Variants in CNST observed in about 807,000 individuals in gnomAD.
CNST encodes the protein consortin.
A neutral mutation model predicts 72.4 loss-of-function variants in CNST; 39 were observed. The observed-to-expected ratio is 0.54, with a 90% confidence interval of 0.42 to 0.70. CNST has a LOEUF of 0.70. Among genes scored for constraint, CNST ranks in the 30% least tolerant of loss-of-function variants. The pLI, the probability that CNST is intolerant of heterozygous loss-of-function variation, is 0.00. For synonymous variants in CNST, 332 were observed against 320.1 expected (o/e 1.04, Z -0.40); for missense variants, 871 against 868.5 (o/e 1.00, Z -0.04).
intron 2 of CNST, among the ~76,000 whole-genome samples, chr1:246,599,760 A>C (rs183791447): frequency 5.6e-4 from 85 of 152,356 alleles, no homozygotes; most frequent in Admixed American, 5.4e-3. Context: ...AAAAGATTTT[A>C]ATATAGACTA....
chr1:246,621,509 G>C lies in CNST; in HGVS notation c.460G>C (p.Ala154Pro), dbSNP rs756612398. The change falls in exon 3 of 11, where the codon GCT becomes CCT. Residue 154 changes from alanine to proline, a missense_variant. Ala to Pro is a conservative substitution (Grantham distance 27). Transcript: ENST00000366513. The part of the protein sequence containing the change: ...AVTYAVDDEE[A>P]AEVNANEQPE... ...CACATATGCTGTTGATGATGAAGAA[G>C]CTGCTGAAGTAAATGCTAATGAGCA... The C allele has an allele frequency of 1.2e-6, 2 of 1,614,144 alleles. No individual in the cohort carries two copies.
In CNST at chr1:246,585,662, AAT is replaced by A. The variant is rs1558533586; in HGVS notation, c.-51-5846_-51-5845del. Among the ~76,000 whole-genome samples, 97 of 57,808 alleles carry A rather than the reference AAT, an allele frequency of 1.7e-3. 2 individuals carry two copies. The highest frequency in any genetic ancestry group is 6.2e-3 in the South Asian group (8 of 1,290). The allele number at this position is 57,808 out of a possible 152,430, so 37.9% of individuals were successfully genotyped here. A position where few individuals can be genotyped will look rare whatever the true frequency, so the allele number is the denominator to read the frequency against. On this transcript the variant is annotated intron_variant, in intron 1 of 10. Transcript: ENST00000366513. ...GTCTCAAAAAAAAAAAAAAAAAAAAAATATACACACACACACACACACACACA... is the reference window on the plus strand; with the variant it reads ...GTCTCAAAAAAAAAAAAAAAAAAAAAATACACACACACACACACACACACA...
rs556505763 is a variant in CNST at position 246,636,653 on chromosome 1, C to T, written c.818+2066C>T. 5.3e-5 allele frequency among the ~76,000 whole-genome samples: 8 copies of T among 152,344 alleles called. No homozygotes were observed. In the South Asian group the frequency reaches 1.7e-3, roughly 32 times the overall value. On this transcript the variant is annotated intron_variant, in intron 6 of 10. Transcript: ENST00000366513. ...CTCTTTCTGTCTTCGAGCACTTGAG[C>T]GTTTGCTCCCCATTGTCCAATTTTG...
intron 9 of CNST, among the ~76,000 whole-genome samples, chr1:246,649,918 A>G (rs1188362050): frequency 6.6e-6 from 1 of 151,404 alleles, no homozygotes. Context: ...TGTGTTGAAG[A>G]TGCACAAGGG....
Position 246,621,543 on chromosome 1 carries a change from C to T in CNST, c.494C>T (p.Ala165Val), listed in dbSNP as rs145990960. 73 of 1,614,114 alleles carry T rather than the reference C, an allele frequency of 4.5e-5. No individual in the cohort carries two copies. Among genetic ancestry groups the T allele is most frequent in the Non-Finnish European group, 5.3e-5 (63 of 1,179,988 alleles). Residue 165 changes from alanine to valine, a missense_variant, in exon 3 of 11, where the codon GCG (alanine) becomes GTG (valine). Physicochemically the swap from Ala to Val is moderately conservative, Grantham distance 64 (BLOSUM62 0). Transcript: ENST00000366513. The part of the protein sequence containing the change: ...AEVNANEQPE[A>V]PKLVLQSLFS... ...GTAAATGCTAATGAGCAGCCAGAGG[C>T]GCCAAAGCTTGTTCTGCAGTCTCTG...
rs538628722 is a variant in CNST, at chr1:246,638,239, G to T, written c.819-3510G>T. Among the ~76,000 whole-genome samples the T allele has an allele frequency of 4.2e-3, 644 of 152,334 alleles. 5 individuals carry two copies. The highest frequency in any genetic ancestry group is 6.4e-3 in the Non-Finnish European group (435 of 68,028). On this transcript the variant is annotated intron_variant, in intron 6 of 10. Transcript: ENST00000366513. ...GCTTTTGGAGGTTCTGGACCTGGAA[G>T]TCCTCCTTTTCTTCTGAGGAGTAAA...
At chr1:246,606,034 C>G (rs1410493515) in intron 2 of CNST, 2 of 152,172 alleles carry the variant, frequency 1.3e-5, no homozygotes, top group Non-Finnish European at 2.9e-5. Flanking sequence ...AAAGGGGCGA[C>G]TTTCTCCATA....
At chr1:246,612,930 A>G (rs553249256) in intron 2 of CNST, among the ~76,000 whole-genome samples, 2 of 152,282 alleles carry the variant, frequency 1.3e-5, no homozygotes, top group East Asian at 3.9e-4. Flanking sequence ...AGGGACATAC[A>G]AAGCTTAACT....
chr1:246,573,758 A>G (rs1482630523), intron 1 of CNST, among the ~76,000 whole-genome samples: 1 of 152,238 alleles, frequency 6.6e-6, no homozygotes, highest in Non-Finnish European at 1.5e-5. Flanking sequence ...CTGTTTTGTA[A>G]CTAAAGCTTC....
chr1:246,633,939 AATTC>A lies in CNST; in HGVS notation c.638_641del (p.Ile213SerfsTer2). ...TTCTATTCAGATGAGAAAGCAATGA[AATTC>A]ATTCAGCTAGAACGATTGTATCATG... On this transcript the variant is annotated frameshift_variant, in exon 5 of 11. Coordinates refer to ENST00000366513, the MANE Select transcript of CNST (RefSeq NM_152609.3). LOFTEE classifies it high-confidence loss of function. 1 of 1,609,782 alleles carries A rather than the reference AATTC, an allele frequency of 6.2e-7. No individual in the cohort carries two copies. The highest frequency in any genetic ancestry group is 8.5e-7 in the Non-Finnish European group (1 of 1,176,116).
intron 2 of CNST, chr1:246,606,467 C>T (rs1264262711): frequency 6.6e-6 from 1 of 152,090 alleles, no homozygotes; most frequent in Non-Finnish European, 1.5e-5. Context: ...CAGACCGCAC[C>T]CTCTTCTGTT....
intron 9 of CNST, among the ~76,000 whole-genome samples, chr1:246,658,533 A>G (rs769931977): frequency 1.3e-5 from 2 of 152,222 alleles, no homozygotes; most frequent in East Asian, 1.9e-4. Context: ...GTCAAAGACT[A>G]TCTTGGTCTA....
chr1:246,614,479 A>G (rs1469842364), intron 2 of CNST, among the ~76,000 whole-genome samples: 1 of 151,270 alleles, frequency 6.6e-6, no homozygotes, highest in African/African-American at 2.4e-5. Context: ...TTTCTGTGTG[A>G]CATCTTTCCA....
At chr1:246,645,583 G>A (rs546839512) in intron 8 of CNST, among the ~76,000 whole-genome samples, 21 of 151,766 alleles carry the variant, frequency 1.4e-4, no homozygotes, top group East Asian at 7.9e-4. Context: ...GCCCGCCACC[G>A]CGCCCGGCTA....
Position 246,621,490 on chromosome 1 carries a change from T to C in CNST, c.441T>C (p.Tyr147=), listed in dbSNP as rs1313187096. Reference sequence around the variant, plus strand: ...AAAAAGTACTAAGCGCAGTCACATATGCTGTTGATGATGAAGAAGCTGCTG... The same window carrying C: ...AAAAAGTACTAAGCGCAGTCACATACGCTGTTGATGATGAAGAAGCTGCTG... ...MQEKVLSAVT[Y]AVDDEEAAEV... The change falls in exon 3 of 11, where the codon TAT becomes TAC. Residue 147 remains tyrosine, a synonymous_variant. Transcript: ENST00000366513. 6.2e-7 allele frequency: 1 copy of C among 1,614,180 alleles called. No homozygotes were observed. Among genetic ancestry groups the C allele is most frequent in the South Asian group, 1.1e-5 (1 of 91,092 alleles).
At chr1:246,636,297 C>A (rs908142504) in intron 6 of CNST, among the ~76,000 whole-genome samples, 10 of 152,100 alleles carry the variant, frequency 6.6e-5, no homozygotes, top group Non-Finnish European at 1.0e-4. Context: ...TGCACGCCGT[C>A]CCTCTTACTG....
At chr1:246,659,351 T>C (rs1232842656) in intron 9 of CNST, among the ~76,000 whole-genome samples, 1 of 152,088 alleles carries the variant, frequency 6.6e-6, no homozygotes, top group Non-Finnish European at 1.5e-5. Context: ...TCCCAGCACT[T>C]TGGGAGGCCA....
intron 9 of CNST, among the ~76,000 whole-genome samples, chr1:246,652,795 G>C (rs1304980333): frequency 6.6e-6 from 1 of 151,238 alleles, no homozygotes. Flanking sequence ...ACGAGGTCAG[G>C]AGATCGAGAC....
intron 3 of CNST, 145 bp downstream of exon 3, chr1:246,621,779 G>T: frequency 1.4e-6 from 1 of 708,098 alleles, no homozygotes; most frequent in Non-Finnish European, 2.4e-6. Context: ...TGGATGGCTT[G>T]AGCTCAGGAG....
Sources: allele counts gnomAD v4.1 joint callset (sites outside exome capture counted in the v4.1 genomes callset), GRCh38; gene constraint gnomAD v4.1.1; transcripts MANE v1.5; gene names NCBI Gene and HGNC (gene_info 2026-07-23, HGNC 2026-07-21).